RPRD1B: variants seen among roughly 807,000 people sequenced by gnomAD.
The protein encoded by RPRD1B is regulation of nuclear pre-mRNA domain-containing protein 1B.
In RPRD1B, 11 loss-of-function variants were observed where a neutral mutation model predicts 41.5. The observed-to-expected ratio is 0.27, with a 90% CI of 0.17 to 0.44. The LOEUF (loss-of-function observed/expected upper bound fraction) is 0.44, where lower values mean the gene tolerates loss of function less well. Ranked by LOEUF, RPRD1B falls within the 20% of genes least tolerant of loss-of-function variation. The pLI, the probability that RPRD1B is intolerant of heterozygous loss-of-function variation, is 1.00. For missense variants in RPRD1B, 248 were observed against 389.9 expected (o/e 0.64, Z 3.06); for synonymous variants, 158 against 155.6 (o/e 1.02, Z -0.12).
intron 6 of RPRD1B, among the ~76,000 whole-genome samples, chr20:38,072,019 A>G (rs1205502481): frequency 6.6e-6 from 1 of 151,964 alleles, no homozygotes; most frequent in Non-Finnish European, 1.5e-5. Context: ...TTTTATTTTT[A>G]TGAGTTCCAA....
At chr20:38,069,167 G>T (rs747514986) in intron 6 of RPRD1B, among the ~76,000 whole-genome samples, 4 of 152,012 alleles carry the variant, frequency 2.6e-5, no homozygotes, top group African/African-American at 9.7e-5. Context: ...TCTTTCACTT[G>T]GGAATTTTAT....
intron 6 of RPRD1B, among the ~76,000 whole-genome samples, chr20:38,088,472 C>A (rs1468831792): frequency 2.0e-5 from 3 of 152,192 alleles, no homozygotes; most frequent in African/African-American, 7.2e-5. Flanking sequence ...CAGCCCAGGG[C>A]TTCTTGTTAC....
In RPRD1B at chr20:38,091,585, T is replaced by G. The variant is rs181053739; in HGVS notation, c.*1710T>G. Reference sequence around the variant, plus strand: ...GAGGCCATAGGTGACATCACTAAAATTGCAAGATAAATTGTAATCTTTGCT... The same window carrying G: ...GAGGCCATAGGTGACATCACTAAAAGTGCAAGATAAATTGTAATCTTTGCT... On this transcript the variant is annotated 3_prime_UTR_variant, in exon 7 of 7. Coordinates refer to ENST00000373433, the MANE Select transcript of RPRD1B (RefSeq NM_021215.4). 1 of 985,436 alleles carries G rather than the reference T, an allele frequency of 1.0e-6. No individual in the cohort carries two copies. 61.0% of individuals were successfully genotyped at this position (985,436 alleles called of 1,614,324 possible).
intron 5 of RPRD1B, among the ~76,000 whole-genome samples, chr20:38,065,482 A>G (rs529020394): frequency 1.1e-4 from 16 of 152,346 alleles, no homozygotes; most frequent in African/African-American, 3.8e-4. Context: ...ATGGTGTCGG[A>G]TTTGTCTATA....
intron 2 of RPRD1B, among the ~76,000 whole-genome samples, chr20:38,043,380 G>C (rs990793): frequency 1 from 151,654 of 152,354 alleles, 75,481 homozygotes; most frequent in East Asian, 1. Flanking sequence ...TGGACATGCA[G>C]CAGTCACATA....
At chr20:38,074,298 T>C (rs1299338200) in intron 6 of RPRD1B, among the ~76,000 whole-genome samples, 4 of 152,204 alleles carry the variant, frequency 2.6e-5, no homozygotes, top group Non-Finnish European at 4.4e-5. Context: ...ACCCTACTGC[T>C]TAGGCCCAGT....
chr20:38,077,623 C>T (rs2074476086), intron 6 of RPRD1B, among the ~76,000 whole-genome samples: 1 of 152,010 alleles, frequency 6.6e-6, no homozygotes, highest in African/African-American at 2.4e-5. Flanking sequence ...GTGGTTTTTG[C>T]TCCCTCTCAA....
rs754603371 is a variant in RPRD1B, at chr20:38,033,977, G to A, written c.30G>A (p.Glu10=). 6 of 1,613,464 alleles carry A rather than the reference G, an allele frequency of 3.7e-6. No individual in the cohort carries two copies. Among genetic ancestry groups the A allele is most frequent in the Non-Finnish European group, 5.1e-6 (6 of 1,179,636 alleles). ...CCTCCTTCTCTGAGTCGGCGCTGGA[G>A]AAGAAGCTCTCGGAGCTGAGCAACT... MSSFSESAL[E]KKLSELSNSQ... Residue 10 remains glutamate (E), a synonymous_variant, in exon 1 of 7, where the codon GAG becomes GAA. Coordinates refer to ENST00000373433, the MANE Select transcript of RPRD1B (RefSeq NM_021215.4).
At chr20:38,044,296 C>G (rs1027203252) in intron 2 of RPRD1B, among the ~76,000 whole-genome samples, 1 of 151,990 alleles carries the variant, frequency 6.6e-6, no homozygotes, top group Non-Finnish European at 1.5e-5. Context: ...GACTCTGTGC[C>G]CAGAGTTTTT....
At position 38,091,504 on chromosome 20, in the gene RPRD1B, C is replaced by G. The variant is rs1407573741; in HGVS notation, c.*1629C>G. ...AGACTGTGTGTTGTTTGCTTATGGA[C>G]ACTGCCTGTCGTTCTGTCACTGTTA... On this transcript the variant is annotated 3_prime_UTR_variant, in exon 7 of 7. Coordinates refer to ENST00000373433, the MANE Select transcript of RPRD1B (RefSeq NM_021215.4). 1 of 985,286 alleles carries G rather than the reference C, an allele frequency of 1.0e-6. No homozygotes were observed. The highest frequency in any genetic ancestry group is 1.7e-5 in the African/African-American group (1 of 57,214). 61.0% of individuals were successfully genotyped at this position (985,286 alleles called of 1,614,324 possible).
chr20:38,070,614 G>A, intron 6 of RPRD1B: 1 of 985,428 alleles, frequency 1.0e-6, no homozygotes, highest in Non-Finnish European at 1.2e-6. Flanking sequence ...GCATGATACA[G>A]ACATGTTCTG....
intron 5 of RPRD1B, among the ~76,000 whole-genome samples, chr20:38,061,647 G>T (rs1437235578): frequency 6.6e-6 from 1 of 152,002 alleles, no homozygotes; most frequent in East Asian, 1.9e-4. Flanking sequence ...TCATTTCTCT[G>T]TTCTTTTTAG....
At chr20:38,064,469 G>A (rs111227431) in intron 5 of RPRD1B, among the ~76,000 whole-genome samples, 2 of 152,236 alleles carry the variant, frequency 1.3e-5, no homozygotes, top group African/African-American at 2.4e-5. Flanking sequence ...CGGTACTGCC[G>A]GAGTCTCTGG....
chr20:38,064,439 AAT>A (rs2074332063), intron 5 of RPRD1B, among the ~76,000 whole-genome samples: 1 of 152,162 alleles, frequency 6.6e-6, no homozygotes, highest in Non-Finnish European at 1.5e-5. Context: ...ATCCATAGGG[AAT>A]GTCATGGAAC....
At position 38,092,074 on chromosome 20, in the gene RPRD1B, A is replaced by C; in HGVS notation, c.*2199A>C. On this transcript the variant is annotated 3_prime_UTR_variant, in exon 7 of 7. Transcript: ENST00000373433. ...AATTTAAATGAACTTTCCTCCTTGTATGTATGAGGTGACTTGGTGGGTGGG... is the reference window on the plus strand; with the variant it reads ...AATTTAAATGAACTTTCCTCCTTGTCTGTATGAGGTGACTTGGTGGGTGGG... 1 of 985,694 alleles carries C rather than the reference A, an allele frequency of 1.0e-6. No homozygotes were observed. The highest frequency in any genetic ancestry group is 1.2e-6 in the Non-Finnish European group (1 of 829,900). 61.1% of individuals were successfully genotyped at this position (985,694 alleles called of 1,614,324 possible). A position where few individuals can be genotyped will look rare whatever the true frequency, so the allele number is the denominator to read the frequency against.
chr20:38,049,494 C>A (rs2074160519), intron 3 of RPRD1B, among the ~76,000 whole-genome samples: 1 of 150,818 alleles, frequency 6.6e-6, no homozygotes, highest in African/African-American at 2.4e-5. Flanking sequence ...CTCAGCCTCC[C>A]GAGTAGCTGG....
At position 38,090,549 on chromosome 20, in the gene RPRD1B, A is replaced by T. The variant is rs903267797; in HGVS notation, c.*674A>T. 1.0e-6 allele frequency: 1 copy of T among 985,796 alleles called. No homozygotes were observed. The highest frequency in any genetic ancestry group is 6.1e-5 in the Admixed American group (1 of 16,276). 61.1% of individuals were successfully genotyped at this position (985,796 alleles called of 1,614,324 possible). On this transcript the variant is annotated 3_prime_UTR_variant, in exon 7 of 7. Coordinates refer to ENST00000373433, the MANE Select transcript of RPRD1B (RefSeq NM_021215.4). Reference sequence around the variant, plus strand: ...ACAGTTCAGAGACAGAATAACAGGGATCACAAGCATGAATTAAAAGGAATT... The same window carrying T: ...ACAGTTCAGAGACAGAATAACAGGGTTCACAAGCATGAATTAAAAGGAATT...
intron 6 of RPRD1B, among the ~76,000 whole-genome samples, chr20:38,068,059 C>G (rs900652468): frequency 2.0e-5 from 3 of 152,172 alleles, no homozygotes; most frequent in African/African-American, 4.8e-5. Context: ...GCACTCTGCT[C>G]TGTATATTGT....
intron 5 of RPRD1B, among the ~76,000 whole-genome samples, chr20:38,060,435 A>G (rs560242681): frequency 6.6e-6 from 1 of 152,338 alleles, no homozygotes; most frequent in African/African-American, 2.4e-5. Flanking sequence ...AGGCCCACCT[A>G]TATCCCCTCA....
Sources: allele counts gnomAD v4.1 joint callset (sites outside exome capture counted in the v4.1 genomes callset), GRCh38; gene constraint gnomAD v4.1.1; transcripts MANE v1.5; gene names NCBI Gene and HGNC (gene_info 2026-07-23, HGNC 2026-07-21).